Variants in FGF12 observed in about 807,000 individuals in gnomAD.
FGF12 encodes the protein fibroblast growth factor 12, also known as fibroblast growth factor 12B.
In FGF12, 14 loss-of-function variants were observed where a neutral mutation model predicts 23.6. The ratio of observed to expected loss-of-function variants is 0.59; its 90% CI spans 0.39 to 0.93. The LOEUF is 0.93. Ranked by LOEUF, FGF12 falls within the 40% of genes least tolerant of loss-of-function variation. FGF12 has a pLI of 0.00. For missense variants in FGF12, 175 were observed against 217.8 expected (o/e 0.80, Z 1.24); for synonymous variants, 62 against 77.3 (o/e 0.80, Z 1.04).
intron 2 of FGF12, chr3:192,516,507 C>G (rs1724673244): frequency 6.6e-6 from 1 of 152,212 alleles, no homozygotes; most frequent in Admixed American, 6.5e-5. Flanking sequence ...TCCACTGGCT[C>G]CCTAACACTT....
intron 2 of FGF12, among the ~76,000 whole-genome samples, chr3:192,549,144 G>C (rs1057222817): frequency 6.6e-6 from 1 of 152,144 alleles, no homozygotes; most frequent in Non-Finnish European, 1.5e-5. Context: ...CAAAGCTGTT[G>C]AAAGATTTTA....
intron 2 of FGF12, among the ~76,000 whole-genome samples, chr3:192,458,625 C>A (rs1302179163): frequency 8.5e-5 from 13 of 152,110 alleles, no homozygotes; most frequent in Admixed American, 8.5e-4. Context: ...TAGGAAGGAA[C>A]TAGCTTGCTT....
chr3:192,572,210 G>T (rs1357647387), intron 2 of FGF12, among the ~76,000 whole-genome samples: 1 of 152,096 alleles, frequency 6.6e-6, no homozygotes, highest in Admixed American at 6.5e-5. Context: ...TGAAGAAAAT[G>T]AGCTCTTTCA....
intron 4 of FGF12, among the ~76,000 whole-genome samples, chr3:192,224,765 C>T (rs1718647038): frequency 6.6e-6 from 1 of 152,054 alleles, no homozygotes; most frequent in African/African-American, 2.4e-5. Context: ...GTCAATAAAA[C>T]TCGAAACTGA....
chr3:192,232,206 T>G (rs1277617238), intron 4 of FGF12, among the ~76,000 whole-genome samples: 1 of 152,202 alleles, frequency 6.6e-6, no homozygotes, highest in African/African-American at 2.4e-5. Context: ...AGCTTGTCTA[T>G]TAAAAATATC....
At chr3:192,391,029 T>TA (rs1180872818) in intron 2 of FGF12, among the ~76,000 whole-genome samples, 2 of 152,160 alleles carry the variant, frequency 1.3e-5, no homozygotes, top group East Asian at 3.8e-4. Flanking sequence ...TGTTAATCTG[T>TA]GGCTCAAAAA....
chr3:192,627,852 ATGTGTGTGTGTGTG>A (rs138709721), intron 2 of FGF12, among the ~76,000 whole-genome samples: 1 of 147,250 alleles, frequency 6.8e-6, no homozygotes, highest in South Asian at 2.2e-4. Context: ...GTGTGTGTGC[ATGTGTGTGTGTGTG>A]TGTGTGTGTG....
intron 2 of FGF12, among the ~76,000 whole-genome samples, chr3:192,709,203 A>G (rs1162475680): frequency 1.3e-5 from 2 of 152,216 alleles, no homozygotes. Context: ...GCTGATTTGA[A>G]GTTCAATCAA....
chr3:192,247,971 A>G (rs78074761), intron 4 of FGF12, among the ~76,000 whole-genome samples: 1 of 152,320 alleles, frequency 6.6e-6, no homozygotes, highest in Non-Finnish European at 1.5e-5. Flanking sequence ...TAAGAAATTG[A>G]GCTATCTGAC....
chr3:192,667,680 G>A (rs1716943709), intron 2 of FGF12, among the ~76,000 whole-genome samples: 1 of 150,976 alleles, frequency 6.6e-6, no homozygotes, highest in Non-Finnish European at 1.5e-5. Flanking sequence ...AAGTATCCCT[G>A]ATAGAGGGGC....
chr3:192,618,247 TAAA>T (rs78960252), intron 2 of FGF12, among the ~76,000 whole-genome samples: 3 of 125,446 alleles, frequency 2.4e-5, no homozygotes, highest in Non-Finnish European at 3.5e-5. Flanking sequence ...CATGGGGAAC[TAAA>T]AAAAAAAAAA....
At chr3:192,316,552 G>C (rs965960413) in intron 4 of FGF12, among the ~76,000 whole-genome samples, 1 of 152,228 alleles carries the variant, frequency 6.6e-6, no homozygotes, top group Non-Finnish European at 1.5e-5. Context: ...CCGGTGCCCA[G>C]ATAGGGGGCA....
chr3:192,483,133 T>A (rs1470659001), intron 2 of FGF12, among the ~76,000 whole-genome samples: 1 of 152,216 alleles, frequency 6.6e-6, no homozygotes. Context: ...GCACCCCTTA[T>A]GTTAGCCACT....
rs546160572 is a variant in FGF12, at chr3:192,443,666, T to TA, written c.14-83129dup. 2.2e-3 allele frequency among the ~76,000 whole-genome samples: 342 copies of TA among 152,354 alleles called. 2 individuals carry two copies. Among genetic ancestry groups the TA allele is most frequent in the African/African-American group, 8.1e-3 (335 of 41,580 alleles). On this transcript the variant is annotated intron_variant, in intron 2 of 5. Coordinates refer to ENST00000445105, the MANE Select transcript of FGF12 (RefSeq NM_004113.6). ...TCAAAATGTCTCTCAATATACCTTA[T>TA]AAGTTATGAAAACAAGCAAAAAAAT...
chr3:192,152,093 G>C, intron 5 of FGF12, among the ~76,000 whole-genome samples: 3 of 46,928 alleles, frequency 6.4e-5, no homozygotes, highest in African/African-American at 1.5e-4. Flanking sequence ...AGATTTTCTA[G>C]TTTATTTGCG....
rs35779279 is a variant in FGF12, at chr3:192,512,835, A to AATAAATATATAT, written c.14-152298_14-152297insATATATATTTAT. Among the ~76,000 whole-genome samples, 89 of 76,762 alleles carry AATAAATATATAT rather than the reference A, an allele frequency of 1.2e-3. 6 individuals are homozygous for AATAAATATATAT. In the East Asian group the frequency reaches 0.017, roughly 14 times the overall value. 50.4% of individuals were successfully genotyped at this position (76,762 alleles called of 152,430 possible). ...GTTAAACCTAGAGTATACTCAAATA[A>AATAAATATATAT]ATATATATATATATATATATATATA... is the stretch of plus-strand genomic sequence containing the variant. On this transcript the variant is annotated intron_variant, in intron 2 of 5. Coordinates refer to ENST00000445105, the MANE Select transcript of FGF12 (RefSeq NM_004113.6).
intron 4 of FGF12, among the ~76,000 whole-genome samples, chr3:192,253,320 GA>G (rs1712158576): frequency 6.6e-6 from 1 of 152,034 alleles, no homozygotes; most frequent in Admixed American, 6.6e-5. Flanking sequence ...AAAGAAAAGG[GA>G]AAGGGAAGGA....
At chr3:192,262,376 T>C (rs1429042544) in intron 4 of FGF12, among the ~76,000 whole-genome samples, 2 of 152,170 alleles carry the variant, frequency 1.3e-5, no homozygotes, top group Non-Finnish European at 2.9e-5. Context: ...AGCTCTAAAA[T>C]GTATTCTATA....
chr3:192,177,923 G>C (rs1715948592), intron 4 of FGF12, among the ~76,000 whole-genome samples: 1 of 152,028 alleles, frequency 6.6e-6, no homozygotes, highest in African/African-American at 2.4e-5. Flanking sequence ...GACCCTTTCT[G>C]GCATTATAAC....
Sources: gnomAD v4.1 joint callset for allele counts (sites outside exome capture counted in the v4.1 genomes callset) on GRCh38, gnomAD v4.1.1 for gene constraint, MANE v1.5 for transcripts, NCBI Gene and HGNC (gene_info 2026-07-23, HGNC 2026-07-21) for gene names.